Variants in EED observed in about 807,000 individuals in gnomAD.
EED encodes the protein embryonic ectoderm development.
In EED, 9 loss-of-function variants were observed where a neutral mutation model predicts 61.0. The observed-to-expected ratio is 0.15, with a 90% CI of 0.09 to 0.26. The LOEUF (loss-of-function observed/expected upper bound fraction) is 0.26. Among genes scored for constraint, EED ranks in the 10% least tolerant of loss-of-function variants. EED has a pLI of 1.00. For missense variants in EED, 315 were observed against 542.3 expected (o/e 0.58, Z 4.16); for synonymous variants, 187 against 174.4 (o/e 1.07, Z -0.57).
At chr11:86,258,074 T>C (rs1210703770) in intron 6 of EED, among the ~76,000 whole-genome samples, 1 of 152,182 alleles carries the variant, frequency 6.6e-6, no homozygotes, top group Admixed American at 6.5e-5. Flanking sequence ...GTTAGTTATT[T>C]TTCCTGATCT....
At chr11:86,261,071 A>C (rs1227040481) in intron 6 of EED, among the ~76,000 whole-genome samples, 1 of 152,180 alleles carries the variant, frequency 6.6e-6, no homozygotes, top group Non-Finnish European at 1.5e-5. Context: ...AAGCTGTAGC[A>C]TTCTGCCTCT....
At chr11:86,247,126 A>G (rs188462942) in intron 1 of EED, among the ~76,000 whole-genome samples, 5 of 152,236 alleles carry the variant, frequency 3.3e-5, no homozygotes, top group African/African-American at 7.2e-5. Flanking sequence ...AATAAAGCTT[A>G]TTTTCTTCTT....
chr11:86,267,900 C>A (rs1946020948), intron 8 of EED: 1 of 151,762 alleles, frequency 6.6e-6, no homozygotes, highest in Admixed American at 6.6e-5. Flanking sequence ...ACCGCACCCA[C>A]CCCCACTTAA....
chr11:86,244,977 A>C lies in EED; in HGVS notation c.-253A>C. 2.4e-6 allele frequency: 1 copy of C among 420,032 alleles called. No individual in the cohort carries two copies. Among genetic ancestry groups the C allele is most frequent in the Non-Finnish European group, 4.3e-6 (1 of 234,612 alleles). The allele number at this position is 420,032 out of a possible 1,614,324, so 26.0% of individuals were successfully genotyped here. A position where few individuals can be genotyped will look rare whatever the true frequency, so the allele number is the denominator to read the frequency against. ...GGGAGGGCGGCGGGAAAAGGGCAAG[A>C]CGGGAGTTGGGGAAGGGAAGGAGCC... On this transcript the variant is annotated 5_prime_UTR_variant, in exon 1 of 12. Coordinates refer to ENST00000263360, the MANE Select transcript of EED (RefSeq NM_003797.5).
intron 8 of EED, among the ~76,000 whole-genome samples, chr11:86,266,670 C>G (rs1945989229): frequency 6.6e-6 from 1 of 151,992 alleles, no homozygotes; most frequent in Non-Finnish European, 1.5e-5. Flanking sequence ...TAATGTTTTT[C>G]CCTAAATGAT....
intron 10 of EED, 85 bp from the exon 11 acceptor site, chr11:86,277,833 C>A: frequency 7.5e-7 from 1 of 1,337,060 alleles, no homozygotes; most frequent in Non-Finnish European, 9.9e-7. Flanking sequence ...TTTTCTGAAA[C>A]AAGAAAGCTG....
chr11:86,269,872 A>T (rs1946070956), intron 9 of EED, among the ~76,000 whole-genome samples: 1 of 152,156 alleles, frequency 6.6e-6, no homozygotes, highest in African/African-American at 2.4e-5. Context: ...CATGGTATGG[A>T]TTACCATAGT....
chr11:86,266,263 A>C (rs1945974205), intron 8 of EED, 47 bp downstream of exon 8: 1 of 1,481,726 alleles, frequency 6.7e-7, no homozygotes, highest in African/African-American at 1.4e-5. Flanking sequence ...GTGCTATTGA[A>C]TATAAGTTTT....
intron 11 of EED, 186 bp from the exon 12 acceptor site, chr11:86,278,213 T>A (rs1946276406): frequency 7.5e-7 from 1 of 1,335,014 alleles, no homozygotes; most frequent in Non-Finnish European, 9.6e-7. Context: ...TATGTAGTGC[T>A]TGTTGAACTT....
At chr11:86,257,418 C>A in intron 5 of EED, 97 bp from the exon 6 acceptor site, 2 of 772,350 alleles carry the variant, frequency 2.6e-6, no homozygotes, top group African/African-American at 1.9e-5. Flanking sequence ...AGAACCACTA[C>A]TTTAAGTGAA....
At chr11:86,286,419 G>A in the EED span, among the ~76,000 whole-genome samples, 1 of 152,172 alleles carries the variant, frequency 6.6e-6, no homozygotes, top group Admixed American at 6.6e-5. Context: ...AGGTGGCTTT[G>A]AGTATATCAT....
chr11:86,250,583 T>C (rs956891897), intron 2 of EED, 135 bp downstream of exon 2: 1 of 1,088,754 alleles, frequency 9.2e-7, no homozygotes. Context: ...GAAGGGTTTT[T>C]TTTTTTGTAG....
At chr11:86,252,953 G>T (rs374717682) in intron 3 of EED, among the ~76,000 whole-genome samples, 1 of 152,010 alleles carries the variant, frequency 6.6e-6, no homozygotes, top group African/African-American at 2.4e-5. Context: ...TCACCGTGTT[G>T]CCCATGCTGG....
In EED at chr11:86,245,264, G is replaced by T. The variant is rs907459561; in HGVS notation, c.35G>T (p.Gly12Val). 6.2e-7 allele frequency: 1 copy of T among 1,613,524 alleles called. No homozygotes were observed. Among genetic ancestry groups the T allele is most frequent in the Non-Finnish European group, 8.5e-7 (1 of 1,179,956 alleles). Residue 12 changes from glycine to valine, a missense_variant, in exon 1 of 12, where the codon GGA becomes GTA. By Grantham distance (109) the Gly-to-Val change is moderately radical (BLOSUM62 -3). Transcript: ENST00000263360. The part of the protein sequence containing the change: ...SEREVSTAPA[G>V]TDMPAAKKQK... ...AGGGAAGTGTCGACTGCGCCGGCGG[G>T]AACAGACATGCCTGCGGCCAAGAAG...
chr11:86,259,514 C>T (rs79831003), intron 6 of EED, among the ~76,000 whole-genome samples: 4,754 of 152,076 alleles, frequency 0.031, 239 homozygotes, highest in African/African-American at 0.11. Context: ...ATGAGGTCTC[C>T]CTGTGTTACC....
intron 11 of EED, 49 bp from the exon 12 acceptor site, chr11:86,278,350 T>C (rs544617311): frequency 1.3e-6 from 2 of 1,586,242 alleles, no homozygotes; most frequent in South Asian, 2.3e-5. Flanking sequence ...GGGTAGACAC[T>C]GACAACGTTA....
At chr11:86,256,645 C>G in intron 5 of EED, 133 bp downstream of exon 5, 2 of 895,614 alleles carry the variant, frequency 2.2e-6, no homozygotes, top group South Asian at 3.3e-5. Context: ...TTACTGCTCT[C>G]TTTGGATGAG....
intron 9 of EED, chr11:86,276,734 C>T: frequency 3.4e-6 from 1 of 293,852 alleles, no homozygotes; most frequent in Admixed American, 5.0e-5. Flanking sequence ...TGTTGACTTC[C>T]AAAATGAATA....
intron 10 of EED, 190 bp downstream of exon 10, chr11:86,277,328 A>G: frequency 2.1e-6 from 1 of 468,522 alleles, no homozygotes. Context: ...GTGGCTCTGC[A>G]TATGATCTGC....
Sources: allele counts gnomAD v4.1 joint callset (sites outside exome capture counted in the v4.1 genomes callset), GRCh38; gene constraint gnomAD v4.1.1; transcripts MANE v1.5; gene names NCBI Gene and HGNC (gene_info 2026-07-23, HGNC 2026-07-21).